Variants in NUP62CL observed in about 807,000 individuals in gnomAD.
NUP62CL encodes nucleoporin 62 C-terminal like.
Under a neutral mutation model 15.3 loss-of-function variants are expected in NUP62CL, and 13 were observed. The ratio of observed to expected loss-of-function variants is 0.85; its 90% confidence interval spans 0.55 to 1.35. The LOEUF is 1.35. Among genes scored for constraint, NUP62CL ranks in the 40% most tolerant of loss-of-function variants. The probability of loss-of-function intolerance (pLI) is 0.00; values close to 1 mark genes in which losing one functional copy is unlikely to be tolerated. For missense variants in NUP62CL, 123 were observed against 130.6 expected (o/e 0.94, Z 0.28); for synonymous variants, 54 against 49.2 (o/e 1.10, Z -0.41).
At chrX:107,179,098 A>G (rs1432144251) in intron 2 of NUP62CL, among the ~76,000 whole-genome samples, 2 of 109,921 alleles carry the variant, frequency 1.8e-5, no homozygotes, top group Non-Finnish European at 3.8e-5. Context: ...CATCTCAAAA[A>G]AAAAAAAGAA....
At chrX:107,167,046 T>A (rs1926532883) in intron 4 of NUP62CL, among the ~76,000 whole-genome samples, 1 of 111,930 alleles carries the variant, frequency 8.9e-6, no homozygotes, top group African/African-American at 3.2e-5. Context: ...TGTTGAGATG[T>A]TATCATTGGA....
At chrX:107,126,646 C>T (rs773203635) in intron 8 of NUP62CL, among the ~76,000 whole-genome samples, 4 of 112,013 alleles carry the variant, frequency 3.6e-5, no homozygotes, top group Non-Finnish European at 7.5e-5. Flanking sequence ...ATATCTACAT[C>T]CAAATGAAAT....
chrX:107,134,462 A>AT (rs1214165006), intron 8 of NUP62CL, among the ~76,000 whole-genome samples: 8 of 111,110 alleles, frequency 7.2e-5, no homozygotes, highest in Non-Finnish European at 1.5e-4. Context: ...AGGATGAATA[A>AT]TTTTTTTTTA....
At chrX:107,192,853 C>G (rs1370167575) in intron 2 of NUP62CL, among the ~76,000 whole-genome samples, 176 bp downstream of exon 2, 2 of 111,986 alleles carry the variant, frequency 1.8e-5, no homozygotes, top group Non-Finnish European at 3.8e-5. Flanking sequence ...AAAATGAATC[C>G]TGTAGTCTGT....
intron 7 of NUP62CL, among the ~76,000 whole-genome samples, chrX:107,149,683 C>T (rs1925964858): frequency 8.9e-6 from 1 of 112,053 alleles, no homozygotes; most frequent in Admixed American, 9.5e-5. Flanking sequence ...TATAATTGAA[C>T]AAAGAGCTTA....
chrX:107,184,300 A>AG (rs1253470750), intron 2 of NUP62CL, among the ~76,000 whole-genome samples: 414 of 2,564 alleles, frequency 0.16, 4 homozygotes, highest in African/African-American at 0.4. Context: ...AAAAGAGAAG[A>AG]AAGAAAGAAA....
chrX:107,132,602 T>G (rs1024675171), intron 8 of NUP62CL, among the ~76,000 whole-genome samples: 2 of 110,911 alleles, frequency 1.8e-5, no homozygotes, highest in Admixed American at 1.9e-4. Flanking sequence ...CTACAAAAAA[T>G]TTTTTAGAAT....
At chrX:107,131,603 G>T (rs1925518162) in intron 8 of NUP62CL, 2 of 455,945 alleles carry the variant, frequency 4.4e-6, no homozygotes, top group Non-Finnish European at 7.8e-6. Flanking sequence ...GCTCCGCGTC[G>T]CCAGTGACTA....
rs1460062856 is a variant in NUP62CL at position 107,131,292 on chromosome X, T to C, written c.*43-6960A>G. ...TAATCATCATCACTTACTGAAGAAA[T>C]AGAAATAGCCTGCTTTAGATTCCTG... On this transcript the variant is annotated intron_variant, in intron 8 of 8. Transcript: ENST00000372466. Among the ~76,000 whole-genome samples, 3 of 111,629 alleles carry C rather than the reference T, an allele frequency of 2.7e-5. No homozygotes were observed. In the East Asian group the frequency reaches 8.3e-4, roughly 31 times the overall value.
chrX:107,167,515 T>C, intron 4 of NUP62CL, 134 bp downstream of exon 4: 1 of 434,044 alleles, frequency 2.3e-6, no homozygotes, highest in Middle Eastern at 6.4e-4. Flanking sequence ...GCTACAGAAA[T>C]CTTTCTCTTG....
intron 2 of NUP62CL, among the ~76,000 whole-genome samples, chrX:107,176,888 C>T (rs1469379659): frequency 9.0e-6 from 1 of 111,304 alleles, no homozygotes; most frequent in Non-Finnish European, 1.9e-5. Context: ...AGACTAAATA[C>T]TTTCCCACTA....
At chrX:107,138,810 A>G (rs1311504248) in intron 8 of NUP62CL, among the ~76,000 whole-genome samples, 2 of 112,203 alleles carry the variant, frequency 1.8e-5, no homozygotes, top group Non-Finnish European at 3.8e-5. Context: ...TATCTATCCC[A>G]GAGAAATGAA....
intron 2 of NUP62CL, among the ~76,000 whole-genome samples, chrX:107,178,161 T>G (rs955487162): frequency 2.7e-5 from 3 of 111,602 alleles, no homozygotes; most frequent in African/African-American, 9.8e-5. Context: ...AAAATGTAGA[T>G]TAGTGGTTGC....
In NUP62CL at chrX:107,175,186, A is replaced by T; in HGVS notation, c.-40T>A. On this transcript the variant is annotated 5_prime_UTR_variant, in exon 3 of 9. Transcript: ENST00000372466. Reference sequence around the variant, plus strand: ...TGGTGGTGGCAACAGCAGCTGCTGGAGCCAAACCTAAAAATCAAAGTAACA... The same window carrying T: ...TGGTGGTGGCAACAGCAGCTGCTGGTGCCAAACCTAAAAATCAAAGTAACA... 6 of 995,134 alleles carry T rather than the reference A, an allele frequency of 6.0e-6. No individual in the cohort carries two copies. The highest frequency in any genetic ancestry group is 8.3e-6 in the Non-Finnish European group (6 of 721,765). The allele number at this position is 995,134 out of a possible 1,213,427, so 82.0% of individuals were successfully genotyped here.
chrX:107,184,843 G>A (rs1264660445), intron 2 of NUP62CL, among the ~76,000 whole-genome samples: 1 of 111,122 alleles, frequency 9.0e-6, no homozygotes, highest in Non-Finnish European at 1.9e-5. Flanking sequence ...AAAGCAGTAA[G>A]AGAAAAATAG....
chrX:107,184,296 GAAGAAAGAAAGAAAGAAAGAAAGA>G lies in NUP62CL; in HGVS notation c.-48+8709_-48+8732del, dbSNP rs55729158. Among the ~76,000 whole-genome samples the G allele has an allele frequency of 3.7e-3, 243 of 65,060 alleles. 2 individuals are homozygous for G. The highest frequency in any genetic ancestry group is 0.013 in the African/African-American group (174 of 13,857). 56.5% of individuals were successfully genotyped at this position (65,060 alleles called of 115,157 possible). ...AAACCCGCCTCAGCACAAAAAAAGA[GAAGAAAGAAAGAAAGAAAGAAAGA>G]AAGAAAGAAAGAAAGAAAGAAAGAA... On this transcript the variant is annotated intron_variant, in intron 2 of 8. Transcript: ENST00000372466.
At chrX:107,129,932 A>G (rs1051758144) in intron 8 of NUP62CL, among the ~76,000 whole-genome samples, 31 of 112,166 alleles carry the variant, frequency 2.8e-4, no homozygotes, top group African/African-American at 1.0e-3. Context: ...ATATAATCAT[A>G]AAACAACACA....
At chrX:107,156,508 C>A (rs1387595882) in intron 4 of NUP62CL, among the ~76,000 whole-genome samples, 1 of 105,207 alleles carries the variant, frequency 9.5e-6, no homozygotes, top group African/African-American at 3.5e-5. Context: ...AGGCACCCCC[C>A]AGCAGGGGCA....
intron 2 of NUP62CL, among the ~76,000 whole-genome samples, chrX:107,178,371 C>T (rs1926835135): frequency 8.9e-6 from 1 of 111,921 alleles, no homozygotes; most frequent in East Asian, 2.8e-4. Context: ...AAACAGATTA[C>T]CTGCCTCTTT....
Sources: allele counts gnomAD v4.1 joint callset (sites outside exome capture counted in the v4.1 genomes callset), GRCh38; gene constraint gnomAD v4.1.1; transcripts MANE v1.5; gene names NCBI Gene and HGNC (gene_info 2026-07-23, HGNC 2026-07-21).